Variants in ZNF469 observed in about 807,000 individuals in gnomAD.
ZNF469 encodes the protein zinc finger protein 469.
A neutral mutation model predicts 1.0 loss-of-function variants in ZNF469; 1 was observed. The ratio of observed to expected loss-of-function variants is 1.00; its 90% CI spans 0.35 to 4.73. The LOEUF is 4.73. Among genes scored for constraint, ZNF469 ranks in the 30% most tolerant of loss-of-function variants. The pLI, the probability that ZNF469 is intolerant of heterozygous loss-of-function variation, is 0.16. For synonymous variants in ZNF469, 2,703 were observed against 2,363.4 expected (o/e 1.14, Z -4.17); for missense variants, 6,100 against 5,356.3 (o/e 1.14, Z -4.33).
chr16:88,150,355 G>T, the ZNF469 span, among the ~76,000 whole-genome samples: 4 of 152,134 alleles, frequency 2.6e-5, no homozygotes, highest in Non-Finnish European at 4.4e-5. Context: ...AAAATGTGCT[G>T]CAAAAATCAA....
chr16:88,239,697 ATATATATATATATATATATTTTTTTTTTT>A, the ZNF469 span, among the ~76,000 whole-genome samples: 4 of 6,576 alleles, frequency 6.1e-4, no homozygotes, highest in African/African-American at 8.0e-4. Context: ...ATATATATAT[ATATATATATATATATATATTTTTTTTTTT>A]TTTTTTTTTT....
chr16:88,377,889 C>T, the ZNF469 span, among the ~76,000 whole-genome samples: 1 of 105,992 alleles, frequency 9.4e-6, no homozygotes, highest in Non-Finnish European at 1.6e-5. Flanking sequence ...TGTTTGATGC[C>T]AGGAAAAAAA....
the ZNF469 span, among the ~76,000 whole-genome samples, chr16:88,131,983 G>C: frequency 0.018 from 2,755 of 152,304 alleles, 72 homozygotes; most frequent in African/African-American, 0.063. Context: ...GGCTGCTGAA[G>C]ACAGGGCAGC....
At chr16:88,215,859 T>C in the ZNF469 span, among the ~76,000 whole-genome samples, 7 of 152,240 alleles carry the variant, frequency 4.6e-5, no homozygotes, top group African/African-American at 1.7e-4. Flanking sequence ...TATGTTTTTG[T>C]GGTCTTGCAT....
the ZNF469 span, among the ~76,000 whole-genome samples, chr16:88,260,128 C>G: frequency 5.4e-5 from 8 of 149,340 alleles, no homozygotes; most frequent in Admixed American, 5.3e-4. The surrounding 1 kb of genome is among the most constrained non-coding windows in gnomAD (Gnocchi z 4.1). Context: ...CAGGCGCACA[C>G]CACCACGCCC....
At chr16:88,302,674 A>T in the ZNF469 span, among the ~76,000 whole-genome samples, 2 of 152,192 alleles carry the variant, frequency 1.3e-5, no homozygotes, top group African/African-American at 4.8e-5. Flanking sequence ...GGGAGGAAGG[A>T]CCAGCATCTG....
chr16:88,333,822 G>A, the ZNF469 span, among the ~76,000 whole-genome samples: 7 of 151,136 alleles, frequency 4.6e-5, no homozygotes, highest in Middle Eastern at 3.4e-3. Context: ...GGAGAGTGAC[G>A]GCTGCGTGGC....
In ZNF469 at chr16:88,422,921, T is replaced by C. The variant is rs561381331; in HGVS notation, c.-191-1886T>C. Among the ~76,000 whole-genome samples, 3 of 143,848 alleles carry C rather than the reference T, an allele frequency of 2.1e-5. No individual in the cohort carries two copies. In the South Asian group the frequency reaches 6.8e-4, roughly 33 times the overall value. The allele number at this position is 143,848 out of a possible 152,430, so 94.4% of individuals were successfully genotyped here. On this transcript the variant is annotated intron_variant, in intron 1 of 2. Transcript: ENST00000565624. Reference sequence around the variant, plus strand: ...ACGGACAGACGGACGGATGGGTGGATGGGTGATGGATGGGTGGATGGATGA... The same window carrying C: ...ACGGACAGACGGACGGATGGGTGGACGGGTGATGGATGGGTGGATGGATGA...
chr16:88,143,579 G>C, the ZNF469 span, among the ~76,000 whole-genome samples: 5 of 145,566 alleles, frequency 3.4e-5, no homozygotes, highest in African/African-American at 1.4e-4. Flanking sequence ...CCTGCAGCAG[G>C]AGAAGAAAGC....
chr16:88,381,971 T>TG (rs2092526372), upstream of ZNF469, among the ~76,000 whole-genome samples: 1 of 152,240 alleles, frequency 6.6e-6, no homozygotes, highest in Non-Finnish European at 1.5e-5. Flanking sequence ...AACTTGAACT[T>TG]GCGTAAGTAA....
At chr16:88,375,301 G>A in the ZNF469 span, among the ~76,000 whole-genome samples, 1 of 152,228 alleles carries the variant, frequency 6.6e-6, no homozygotes, top group African/African-American at 2.4e-5. Flanking sequence ...GCACAAGGAT[G>A]GGGAAACTGA....
chr16:88,130,481 G>A, the ZNF469 span, among the ~76,000 whole-genome samples: 9 of 151,988 alleles, frequency 5.9e-5, no homozygotes, highest in Admixed American at 1.3e-4. Context: ...CGAGGCGGGC[G>A]GATCACCTGA....
chr16:88,213,667 G>A, the ZNF469 span, among the ~76,000 whole-genome samples: 3 of 152,102 alleles, frequency 2.0e-5, no homozygotes. Context: ...CCCCCAAAAG[G>A]GTTGCCTTTC....
chr16:88,296,246 A>G, the ZNF469 span, among the ~76,000 whole-genome samples: 5 of 152,180 alleles, frequency 3.3e-5, no homozygotes, highest in Non-Finnish European at 7.4e-5. Flanking sequence ...CCTGGCGGGG[A>G]CATCCTCATA....
At chr16:88,181,716 A>G in the ZNF469 span, among the ~76,000 whole-genome samples, 6 of 152,230 alleles carry the variant, frequency 3.9e-5, no homozygotes, top group African/African-American at 9.6e-5. Flanking sequence ...AAGTTCTCCA[A>G]TCAGTAATCT....
At chr16:88,290,570 T>C in the ZNF469 span, among the ~76,000 whole-genome samples, 1 of 152,224 alleles carries the variant, frequency 6.6e-6, no homozygotes, top group African/African-American at 2.4e-5. Context: ...TTATATACAA[T>C]TCTATGTAAA....
chr16:88,400,423 A>C (rs1904821110), intron 1 of ZNF469, among the ~76,000 whole-genome samples: 1 of 152,208 alleles, frequency 6.6e-6, no homozygotes. Context: ...CACCTGTCAG[A>C]GCTCCTGCTG....
the ZNF469 span, among the ~76,000 whole-genome samples, chr16:88,107,579 G>A: frequency 2.0e-5 from 3 of 152,328 alleles, no homozygotes; most frequent in South Asian, 2.1e-4. Flanking sequence ...TGCCACTGCC[G>A]TGCACAGCAC....
chr16:88,280,614 G>T, the ZNF469 span, among the ~76,000 whole-genome samples: 2 of 148,806 alleles, frequency 1.3e-5, no homozygotes, highest in African/African-American at 2.5e-5. Flanking sequence ...CCACACCAAC[G>T]CTTGGTCAGT....
Sources: allele counts gnomAD v4.1 joint callset (sites outside exome capture counted in the v4.1 genomes callset), GRCh38; gene constraint gnomAD v4.1.1; non-coding constraint Gnocchi (gnomAD v3.1); transcripts MANE v1.5; gene names NCBI Gene and HGNC (gene_info 2026-07-23, HGNC 2026-07-21).